Variants in MUCL3 observed in about 807,000 individuals in gnomAD.
MUCL3 encodes mucin like 3.
Under a neutral mutation model 70.2 loss-of-function variants are expected in MUCL3, and 42 were observed. The ratio of observed to expected loss-of-function variants is 0.60; its 90% confidence interval spans 0.47 to 0.77. The LOEUF (loss-of-function observed/expected upper bound fraction) is 0.77. MUCL3 is among the 30% of genes least tolerant of loss of function. The pLI is 0.00. For missense variants in MUCL3, 1,429 were observed against 1,670.0 expected, an observed-to-expected ratio of 0.86 and a Z score of 2.52; for synonymous variants, 522 against 647.0, an observed-to-expected ratio of 0.81 and a Z score of 2.93.
rs752543739 is a variant in MUCL3 at position 30,953,089 on chromosome 6, G to T, written c.4154G>T (p.Gly1385Val). The T allele has an allele frequency of 4.3e-6, 7 of 1,614,104 alleles. No homozygotes were observed. Among genetic ancestry groups the T allele is most frequent in the African/African-American group, 1.3e-5 (1 of 74,950 alleles). Residue 1385 changes from glycine (G) to valine (V), a missense_variant, in exon 3 of 3, where the codon GGC (glycine) becomes GTC (valine). Transcript: ENST00000462446. ...TACCTGATGGAGCAGCAGAATCTTG[G>T]CATGGGCCAGATCCCTTCCCCACGG... ...PVYLMEQQNL[G>V]MGQIPSPR
At position 30,950,543 on chromosome 6, in the gene MUCL3, C is replaced by T; in HGVS notation, c.2079C>T (p.Thr693=). ...GGACCCCATTTGCCAATGAGAAAAC[C>T]ACATCATCCTCAGCAGAGCCTACAG... ...GQRTPFANEK[T]TSSSAEPTEH... The change falls in exon 2 of 3, where the codon ACC becomes ACT. Residue 693 remains threonine, a synonymous_variant. Coordinates refer to ENST00000462446, the MANE Select transcript of MUCL3 (RefSeq NM_080870.4). 6.5e-7 allele frequency: 1 copy of T among 1,547,572 alleles called. No individual in the cohort carries two copies. Among genetic ancestry groups the T allele is most frequent in the Non-Finnish European group, 8.7e-7 (1 of 1,146,246 alleles).
intron 1 of MUCL3, among the ~76,000 whole-genome samples, chr6:30,943,041 A>G (rs891170270): frequency 6.6e-6 from 1 of 151,970 alleles, no homozygotes; most frequent in Admixed American, 6.6e-5. Flanking sequence ...GTGGAACTGG[A>G]GTGTGAATCA....
In MUCL3 at chr6:30,940,998, A is replaced by T; in HGVS notation, c.-2A>T. The T allele has an allele frequency of 6.5e-7, 1 of 1,549,194 alleles. No individual in the cohort carries two copies. The highest frequency in any genetic ancestry group is 8.7e-7 in the Non-Finnish European group (1 of 1,146,956). Reference sequence around the variant, plus strand: ...GTCCCCAAGCAGCCACCCAGCTCCGACATGGCCCAGCCGGTCCACAGCCTC... The same window carrying T: ...GTCCCCAAGCAGCCACCCAGCTCCGTCATGGCCCAGCCGGTCCACAGCCTC... On this transcript the variant is annotated 5_prime_UTR_variant, in exon 1 of 3. Transcript: ENST00000462446. The surrounding 1 kb of genome is among the most constrained non-coding windows in gnomAD (Gnocchi z 4.4).
chr6:30,953,041 G>T lies in MUCL3; in HGVS notation c.4106G>T (p.Gly1369Val), dbSNP rs1307664646. 1 of 1,614,100 alleles carries T rather than the reference G, an allele frequency of 6.2e-7. No individual in the cohort carries two copies. Among genetic ancestry groups the T allele is most frequent in the African/African-American group, 1.3e-5 (1 of 74,936 alleles). Reference sequence around the variant, plus strand: ...CAGTACAATGATGCAGAGGATGAGGGTGGCCCCAATTCCTACCCGGTCTAC... The same window carrying T: ...CAGTACAATGATGCAGAGGATGAGGTTGGCCCCAATTCCTACCCGGTCTAC... ...NTQYNDAEDEGGPNSYPVYLM... is the reference protein window; with the variant it reads ...NTQYNDAEDEVGPNSYPVYLM... The change falls in exon 3 of 3, where the codon GGT (glycine) becomes GTT (valine). Residue 1369 changes from glycine to valine, a missense_variant. Coordinates refer to ENST00000462446, the MANE Select transcript of MUCL3 (RefSeq NM_080870.4).
At chr6:30,941,759 G>A (rs1795590146) in intron 1 of MUCL3, among the ~76,000 whole-genome samples, 1 of 152,140 alleles carries the variant, frequency 6.6e-6, no homozygotes, top group Non-Finnish European at 1.5e-5. Flanking sequence ...ACCGTGCCCA[G>A]AGACTCATCT....
At position 30,953,387 on chromosome 6, in the gene MUCL3, T is replaced by A; in HGVS notation, c.*270T>A. The A allele has an allele frequency of 1.8e-6, 1 of 545,076 alleles. No individual in the cohort carries two copies. The allele number at this position is 545,076 out of a possible 1,614,324, so 33.8% of individuals were successfully genotyped here. A position where few individuals can be genotyped will look rare whatever the true frequency, so the allele number is the denominator to read the frequency against. On this transcript the variant is annotated 3_prime_UTR_variant, in exon 3 of 3. Transcript: ENST00000462446. The stretch of plus-strand genomic sequence containing the variant: ...AATGGTCTGAGAATGAAAAGGTGTT[T>A]GATGGACATGTTGTGGGGGCACCAA...
chr6:30,941,011 G>A lies in MUCL3; in HGVS notation c.12G>A (p.Pro4=), dbSNP rs747381496. The A allele has an allele frequency of 7.7e-6, 12 of 1,549,868 alleles. No individual in the cohort carries two copies. The highest frequency in any genetic ancestry group is 4.1e-5 in the African/African-American group (3 of 73,042). Reference sequence around the variant, plus strand: ...CACCCAGCTCCGACATGGCCCAGCCGGTCCACAGCCTCTGCTCCGCCTTTG... The same window carrying A: ...CACCCAGCTCCGACATGGCCCAGCCAGTCCACAGCCTCTGCTCCGCCTTTG... MAQ[P]VHSLCSAFGL... Residue 4 remains proline (P), a synonymous_variant, in exon 1 of 3, where the codon CCG becomes CCA. Coordinates refer to ENST00000462446, the MANE Select transcript of MUCL3 (RefSeq NM_080870.4).
chr6:30,951,181 G>T lies in MUCL3; in HGVS notation c.2717G>T (p.Arg906Met). Residue 906 changes from arginine to methionine, a missense_variant, in exon 2 of 3, where the codon AGG becomes ATG. Coordinates refer to ENST00000462446, the MANE Select transcript of MUCL3 (RefSeq NM_080870.4). ...SPAEPTENGE[R>M]TPFTNEKTTP... ...GCAGAGCCTACAGAAAATGGAGAAA[G>T]GACCCCATTTACCAATGAGAAGACC... 1.9e-6 allele frequency: 3 copies of T among 1,549,952 alleles called. No homozygotes were observed. Among genetic ancestry groups the T allele is most frequent in the South Asian group, 1.2e-5 (1 of 83,902 alleles).
At chr6:30,952,537 G>C in intron 2 of MUCL3, 38 bp downstream of exon 2, 1 of 1,543,986 alleles carries the variant, frequency 6.5e-7, no homozygotes, top group Non-Finnish European at 8.7e-7. Context: ...TCAACCTATG[G>C]GATAGGGAAT....
chr6:30,949,010 A>G lies in MUCL3; in HGVS notation c.546A>G (p.Ser182=). Residue 182 remains serine, a synonymous_variant, in exon 2 of 3, where the codon TCA becomes TCG. Coordinates refer to ENST00000462446, the MANE Select transcript of MUCL3 (RefSeq NM_080870.4). The part of the protein sequence containing the change: ...TTGKSTVTRK[S]DKTGRPLEKS... ...GCAAATCAACGGTAACAAGAAAATC[A>G]GATAAAACTGGAAGACCTTTGGAAA... The G allele has an allele frequency of 6.4e-7, 1 of 1,551,742 alleles. No homozygotes were observed. Among genetic ancestry groups the G allele is most frequent in the Non-Finnish European group, 8.7e-7 (1 of 1,146,998 alleles).
At position 30,951,986 on chromosome 6, in the gene MUCL3, G is replaced by A. The variant is rs759589468; in HGVS notation, c.3522G>A (p.Thr1174=). The stretch of plus-strand genomic sequence containing the variant: ...CCACAGAACACCCAGAAAAGACCAC[G>A]TCAACCACAGAGAAAACCACAAGAA... ...EKSTEHPEKT[T]STTEKTTRTP... is the part of the protein sequence containing the mutation. The change falls in exon 2 of 3, where the codon ACG becomes ACA. Residue 1174 remains threonine, a synonymous_variant. Transcript: ENST00000462446. 68 of 1,611,170 alleles carry A rather than the reference G, an allele frequency of 4.2e-5. No homozygotes were observed. The highest frequency in any genetic ancestry group is 3.3e-4 in the Middle Eastern group (2 of 6,076).
chr6:30,952,336 C>A lies in MUCL3; in HGVS notation c.3872C>A (p.Ala1291Asp). 1 of 1,614,174 alleles carries A rather than the reference C, an allele frequency of 6.2e-7. No individual in the cohort carries two copies. The highest frequency in any genetic ancestry group is 1.1e-5 in the South Asian group (1 of 91,070). Residue 1291 changes from alanine (A) to aspartate (D), a missense_variant, in exon 2 of 3, where the codon GCC becomes GAC. Physicochemically the swap from Ala to Asp is moderately radical, Grantham distance 126 (BLOSUM62 -2). Transcript: ENST00000462446. ...RTKLSSITSE[A>D]TGNESHPYLN... ...AAGCTGAGTTCTATCACATCAGAAG[C>A]CACAGGAAACGAGAGCCATCCATAC...
chr6:30,951,874 T>C lies in MUCL3; in HGVS notation c.3410T>C (p.Val1137Ala). The C allele has an allele frequency of 6.2e-7, 1 of 1,608,898 alleles. No homozygotes were observed. The highest frequency in any genetic ancestry group is 8.5e-7 in the Non-Finnish European group (1 of 1,178,118). ...AGAGATAGGGCTACATCAGCCAATG[T>C]GATCACACCAGCCCCAGCAGAGCCT... ...EHRDRATSAN[V>A]ITPAPAEPIK... Residue 1137 changes from valine to alanine, a missense_variant, in exon 2 of 3, where the codon GTG becomes GCG. Coordinates refer to ENST00000462446, the MANE Select transcript of MUCL3 (RefSeq NM_080870.4).
chr6:30,948,740 T>G lies in MUCL3; in HGVS notation c.276T>G (p.His92Gln). Reference sequence around the variant, plus strand: ...AACGCCACTGCAACACCACACGCCATTCTAAGCCAACTGACAAGCCTACAG... The same window carrying G: ...AACGCCACTGCAACACCACACGCCAGTCTAAGCCAACTGACAAGCCTACAG... The part of the protein sequence containing the change: ...EQKRHCNTTR[H>Q]SKPTDKPTGN... Residue 92 changes from histidine to glutamine, a missense_variant, in exon 2 of 3, where the codon CAT (histidine) becomes CAG (glutamine). Coordinates refer to ENST00000462446, the MANE Select transcript of MUCL3 (RefSeq NM_080870.4). 1 of 1,551,586 alleles carries G rather than the reference T, an allele frequency of 6.4e-7. No homozygotes were observed. Among genetic ancestry groups the G allele is most frequent in the Non-Finnish European group, 8.7e-7 (1 of 1,146,974 alleles).
rs778242863 is a variant in MUCL3 at position 30,951,785 on chromosome 6, T to C, written c.3321T>C (p.His1107=). The change falls in exon 2 of 3, where the codon CAT becomes CAC. Residue 1107 remains histidine (H), a synonymous_variant. Transcript: ENST00000462446. ...ITPSLAKPTE[H]GERTTSPNDK... ...CATCCCTAGCAAAGCCTACAGAACA[T>C]GGAGAAAGGACCACATCACCCAATG... 2 of 1,558,250 alleles carry C rather than the reference T, an allele frequency of 1.3e-6. No individual in the cohort carries two copies. The highest frequency in any genetic ancestry group is 1.2e-5 in the South Asian group (1 of 84,462).
chr6:30,951,843 G>A lies in MUCL3; in HGVS notation c.3379G>A (p.Glu1127Lys), dbSNP rs775500449. The change falls in exon 2 of 3, where the codon GAA becomes AAA. Residue 1127 changes from glutamate (E) to lysine (K), a missense_variant. By Grantham distance (56) the Glu-to-Lys change is moderately conservative (BLOSUM62 1). Coordinates refer to ENST00000462446, the MANE Select transcript of MUCL3 (RefSeq NM_080870.4). ...CACCTCATCTGCAGCAGAGTCTACA[G>A]AACATAGAGATAGGGCTACATCAGC... ...KITSSAAEST[E>K]HRDRATSANV... is the part of the protein sequence containing the mutation. 25 of 1,595,540 alleles carry A rather than the reference G, an allele frequency of 1.6e-5. No individual in the cohort carries two copies. Among genetic ancestry groups the A allele is most frequent in the Non-Finnish European group, 2.1e-5 (25 of 1,171,918 alleles).
chr6:30,942,338 G>A (rs939157447), intron 1 of MUCL3, among the ~76,000 whole-genome samples: 1 of 152,202 alleles, frequency 6.6e-6, no homozygotes, highest in Non-Finnish European at 1.5e-5. Flanking sequence ...CACAGGGGCG[G>A]TGTGGAGGGC....
In MUCL3 at chr6:30,949,086, A is replaced by G; in HGVS notation, c.622A>G (p.Thr208Ala). ...KTSTSSHKTT[T>A]SFHNSGNSQT... ...AAGTACCAGCTCACATAAGACTACA[A>G]CTTCCTTCCACAACTCAGGCAATTC... Residue 208 changes from threonine to alanine, a missense_variant, in exon 2 of 3, where the codon ACT (threonine) becomes GCT (alanine). By Grantham distance (58) the Thr-to-Ala change is moderately conservative (BLOSUM62 0). Transcript: ENST00000462446. 1.3e-6 allele frequency: 2 copies of G among 1,550,858 alleles called. No individual in the cohort carries two copies. Among genetic ancestry groups the G allele is most frequent in the African/African-American group, 2.7e-5 (2 of 73,070 alleles).
chr6:30,951,234 C>T lies in MUCL3; in HGVS notation c.2770C>T (p.His924Tyr), dbSNP rs879157617. ...TTPSSAEPTE[H>Y]GERTPLANEI... ...ACCATCCTCAGCAGAGCCTACAGAACATGGAGAAAGGACCCCACTGGCCAA... is the reference window on the plus strand; with the variant it reads ...ACCATCCTCAGCAGAGCCTACAGAATATGGAGAAAGGACCCCACTGGCCAA... Residue 924 changes from histidine (H) to tyrosine (Y), a missense_variant, in exon 2 of 3, where the codon CAT becomes TAT. His to Tyr is a moderately conservative substitution (Grantham distance 83, BLOSUM62 2). Transcript: ENST00000462446. 5.2e-6 allele frequency: 8 copies of T among 1,549,266 alleles called. No individual in the cohort carries two copies. The highest frequency in any genetic ancestry group is 4.4e-6 in the Non-Finnish European group (5 of 1,146,498).
Sources: allele counts gnomAD v4.1 joint callset (sites outside exome capture counted in the v4.1 genomes callset), GRCh38; gene constraint gnomAD v4.1.1; non-coding constraint Gnocchi (gnomAD v3.1); transcripts MANE v1.5; gene names NCBI Gene and HGNC (gene_info 2026-07-23, HGNC 2026-07-21).